CNTN6: variants seen among roughly 807,000 people sequenced by gnomAD.
The protein encoded by CNTN6 is contactin-6.
In CNTN6, 137 loss-of-function variants were observed where a neutral mutation model predicts 122.8. That is an observed-to-expected ratio of 1.12 (90% CI 0.97 to 1.29). The LOEUF is 1.29. Ranked by LOEUF, CNTN6 falls within the 50% of genes most tolerant of loss-of-function variation. The pLI, the probability that CNTN6 is intolerant of heterozygous loss-of-function variation, is 0.00. For synonymous variants in CNTN6, 570 were observed against 426.0 expected, an observed-to-expected ratio of 1.34 and a Z score of -4.16; for missense variants, 1,634 against 1,223.4, an observed-to-expected ratio of 1.34 and a Z score of -5.01.
chr3:1,240,552 G>T (rs547382424), intron 4 of CNTN6, among the ~76,000 whole-genome samples: 1 of 152,122 alleles, frequency 6.6e-6, no homozygotes, highest in South Asian at 2.1e-4. Context: ...TGGTGAAAAG[G>T]GAACAGTTTT....
intron 8 of CNTN6, among the ~76,000 whole-genome samples, chr3:1,324,913 T>C (rs1468293932): frequency 1.4e-5 from 2 of 144,080 alleles, no homozygotes; most frequent in Non-Finnish European, 2.9e-5. Flanking sequence ...GGGAATTAAG[T>C]GCAATTACAA....
At chr3:1,220,550 TA>T in intron 2 of CNTN6, 136 bp from the exon 3 acceptor site, 1 of 784,078 alleles carries the variant, frequency 1.3e-6, no homozygotes, top group Non-Finnish European at 1.8e-6. Flanking sequence ...TCCATTTTTG[TA>T]ATACTTTTTG....
chr3:1,229,748 T>C lies in CNTN6; in HGVS notation c.358+1755T>C, dbSNP rs201444591. ...AATTATATGCTTTCATCTGGCTAAA[T>C]GGGACAAATCAATTTTTCTGTCCTT... On this transcript the variant is annotated intron_variant, in intron 4 of 22. Coordinates refer to ENST00000446702, the MANE Select transcript of CNTN6 (RefSeq NM_001289080.2). Among the ~76,000 whole-genome samples, 8 of 152,356 alleles carry C rather than the reference T, an allele frequency of 5.3e-5. No homozygotes were observed. In the East Asian group the frequency reaches 1.5e-3, roughly 29 times the overall value.
intron 4 of CNTN6, among the ~76,000 whole-genome samples, chr3:1,245,311 TATATATATATA>T (rs2094565205): frequency 2.8e-4 from 5 of 17,606 alleles, no homozygotes; most frequent in African/African-American, 6.2e-4. Flanking sequence ...TATATATATA[TATATATATATA>T]TATATATATA....
At chr3:1,219,112 A>G (rs1410075102) in intron 2 of CNTN6, among the ~76,000 whole-genome samples, 3 of 152,270 alleles carry the variant, frequency 2.0e-5, no homozygotes, top group Non-Finnish European at 1.5e-5. Flanking sequence ...AAATATATGA[A>G]TAAAAAGTTT....
chr3:1,348,398 C>G (rs565928413), intron 11 of CNTN6, among the ~76,000 whole-genome samples: 1 of 151,912 alleles, frequency 6.6e-6, no homozygotes, highest in Non-Finnish European at 1.5e-5. Flanking sequence ...GGTTAAAACT[C>G]TCTTCCAGAG....
chr3:1,373,099 C>T, intron 14 of CNTN6, 144 bp downstream of exon 14: 1 of 570,302 alleles, frequency 1.8e-6, no homozygotes, highest in Non-Finnish European at 3.1e-6. Context: ...AACCCCAGGA[C>T]TCCATGGTAT....
chr3:1,207,503 G>T (rs960626318), intron 2 of CNTN6, among the ~76,000 whole-genome samples: 1 of 151,842 alleles, frequency 6.6e-6, no homozygotes, highest in Non-Finnish European at 1.5e-5. Context: ...CTTTTCTTTT[G>T]ATCTCTGTTC....
chr3:1,267,568 C>T (rs1436987114), intron 4 of CNTN6, among the ~76,000 whole-genome samples: 1 of 152,130 alleles, frequency 6.6e-6, no homozygotes, highest in East Asian at 1.9e-4. Context: ...AATATTTAAC[C>T]AAAATCTAAT....
chr3:1,114,789 A>G (rs1476994555), intron 1 of CNTN6, among the ~76,000 whole-genome samples: 1 of 152,176 alleles, frequency 6.6e-6, no homozygotes, highest in African/African-American at 2.4e-5. Context: ...ATAGAACAAG[A>G]AACAAAAAAC....
intron 7 of CNTN6, among the ~76,000 whole-genome samples, chr3:1,318,720 G>C (rs1455419127): frequency 6.6e-6 from 1 of 151,766 alleles, no homozygotes; most frequent in Non-Finnish European, 1.5e-5. Flanking sequence ...GAGCACGGGA[G>C]CTGGAGAAGT....
intron 20 of CNTN6, among the ~76,000 whole-genome samples, chr3:1,386,988 C>T (rs1367629518): frequency 6.6e-6 from 1 of 151,376 alleles, no homozygotes; most frequent in African/African-American, 2.4e-5. Context: ...ATAGATTATC[C>T]AGTTATTTCC....
Position 1,146,130 on chromosome 3 carries a change from C to A in CNTN6, c.-82-1797C>A, listed in dbSNP as rs190718916. ...CAGTTTTTACTCCATCTCTTTCATTCTCCACGGTAGCCAGAGATATAACAT... is the reference window on the plus strand; with the variant it reads ...CAGTTTTTACTCCATCTCTTTCATTATCCACGGTAGCCAGAGATATAACAT... On this transcript the variant is annotated intron_variant, in intron 1 of 22. Transcript: ENST00000446702. 3.3e-5 allele frequency among the ~76,000 whole-genome samples: 5 copies of A among 152,170 alleles called. No homozygotes were observed. In the East Asian group the frequency reaches 7.7e-4, roughly 24 times the overall value.
chr3:1,242,354 G>T (rs191483790), intron 4 of CNTN6, among the ~76,000 whole-genome samples: 8,249 of 149,970 alleles, frequency 0.055, 329 homozygotes, highest in East Asian at 0.16. Flanking sequence ...TGTAGGGGTT[G>T]GGCACCACAG....
At chr3:1,219,684 C>T (rs1559536881) in intron 2 of CNTN6, among the ~76,000 whole-genome samples, 1 of 152,022 alleles carries the variant, frequency 6.6e-6, no homozygotes, top group South Asian at 2.1e-4. Flanking sequence ...CAAGGAAAGA[C>T]TGTGGAATTG....
chr3:1,245,231 TATATAC>T lies in CNTN6; in HGVS notation c.358+17240_358+17245del, dbSNP rs1559595738. Among the ~76,000 whole-genome samples the T allele has an allele frequency of 6.5e-3, 66 of 10,226 alleles. 9 individuals carry two copies. The highest frequency in any genetic ancestry group is 0.021 in the African/African-American group (50 of 2,404). 6.7% of individuals were successfully genotyped at this position (10,226 alleles called of 152,430 possible). A position where few individuals can be genotyped will look rare whatever the true frequency, so the allele number is the denominator to read the frequency against. ...ATATATATATATATATATATATATA[TATATAC>T]ACACACACATATATATATAACATAT... On this transcript the variant is annotated intron_variant, in intron 4 of 22. Transcript: ENST00000446702.
intron 21 of CNTN6, 136 bp downstream of exon 21, chr3:1,401,681 T>G: frequency 3.3e-6 from 2 of 613,966 alleles, no homozygotes; most frequent in Non-Finnish European, 5.7e-6. Flanking sequence ...AAAATACCAT[T>G]GCTGCTTTCT....
At chr3:1,145,269 C>T (rs1239766246) in intron 1 of CNTN6, among the ~76,000 whole-genome samples, 2 of 152,112 alleles carry the variant, frequency 1.3e-5, no homozygotes, top group Non-Finnish European at 2.9e-5. Context: ...GTCCTGGCTT[C>T]GACTGCCATT....
In CNTN6 at chr3:1,273,221, A is replaced by C. The variant is rs555070276; in HGVS notation, c.359-5192A>C. On this transcript the variant is annotated intron_variant, in intron 4 of 22. Coordinates refer to ENST00000446702, the MANE Select transcript of CNTN6 (RefSeq NM_001289080.2). Reference sequence around the variant, plus strand: ...CTGCAGGATTTGTATCCCGTGCACAAGGGCAGCCTGGGCAGGTCACCTTTG... The same window carrying C: ...CTGCAGGATTTGTATCCCGTGCACACGGGCAGCCTGGGCAGGTCACCTTTG... Among the ~76,000 whole-genome samples the C allele has an allele frequency of 1.9e-3, 297 of 152,336 alleles. 1 individual carries two copies. The highest frequency in any genetic ancestry group is 4.5e-3 in the Admixed American group (69 of 15,300).
Sources: allele counts gnomAD v4.1 joint callset (sites outside exome capture counted in the v4.1 genomes callset), GRCh38; gene constraint gnomAD v4.1.1; transcripts MANE v1.5; gene names NCBI Gene and HGNC (gene_info 2026-07-23, HGNC 2026-07-21).